L3MBTL4: variants seen among roughly 807,000 people sequenced by gnomAD.
L3MBTL4 encodes the protein lethal(3)malignant brain tumor-like protein 4.
A neutral mutation model predicts 84.5 loss-of-function variants in L3MBTL4; 70 were observed. The observed-to-expected ratio is 0.83, with a 90% confidence interval of 0.68 to 1.01. The LOEUF (loss-of-function observed/expected upper bound fraction) is 1.01. Among genes scored for constraint, L3MBTL4 ranks in the 50% least tolerant of loss-of-function variants. The pLI is 0.00. For missense variants in L3MBTL4, 715 were observed against 754.8 expected, an observed-to-expected ratio of 0.95 and a Z score of 0.62; for synonymous variants, 274 against 259.8, an observed-to-expected ratio of 1.05 and a Z score of -0.52.
At chr18:6,229,935 A>G (rs1178111648) in intron 10 of L3MBTL4, among the ~76,000 whole-genome samples, 1 of 152,062 alleles carries the variant, frequency 6.6e-6, no homozygotes, top group Non-Finnish European at 1.5e-5. Flanking sequence ...GTTCTTTTTC[A>G]TGATTGTATA....
At chr18:6,408,663 A>G (rs2055835738) in intron 1 of L3MBTL4, among the ~76,000 whole-genome samples, 1 of 151,140 alleles carries the variant, frequency 6.6e-6, no homozygotes, top group African/African-American at 2.4e-5. Context: ...ACCTATGTCC[A>G]GTTTTCTTTT....
rs80248322 is a variant in L3MBTL4 at position 6,122,928 on chromosome 18, A to C, written c.1199+15266T>G. ...TAGAAAAAATAATCCATTTTAATGC[A>C]CATTACAGAGTTTTCCATGAATTCA... On this transcript the variant is annotated intron_variant, in intron 14 of 18. Transcript: ENST00000317931. 9.5e-3 allele frequency among the ~76,000 whole-genome samples: 1,443 copies of C among 152,356 alleles called. 31 individuals are homozygous for C. Among genetic ancestry groups the C allele is most frequent in the African/African-American group, 0.033 (1,359 of 41,592 alleles).
chr18:6,261,121 T>A (rs1484894773), intron 5 of L3MBTL4, among the ~76,000 whole-genome samples: 1 of 152,198 alleles, frequency 6.6e-6, no homozygotes, highest in Non-Finnish European at 1.5e-5. Flanking sequence ...TCATTACTTG[T>A]GGGCAATTAA....
chr18:6,327,915 CGTTA>C (rs1481529631), intron 1 of L3MBTL4, among the ~76,000 whole-genome samples: 1 of 152,162 alleles, frequency 6.6e-6, no homozygotes, highest in African/African-American at 2.4e-5. Context: ...CAAGTAACCA[CGTTA>C]TGTACTCCCT....
rs147582419 is a variant in L3MBTL4 at position 5,984,001 on chromosome 18, T to C, written c.1445-14439A>G. Among the ~76,000 whole-genome samples, 1,362 of 152,312 alleles carry C rather than the reference T, an allele frequency of 8.9e-3. 19 individuals are homozygous for C. Among genetic ancestry groups the C allele is most frequent in the African/African-American group, 0.031 (1,298 of 41,570 alleles). The stretch of plus-strand genomic sequence containing the variant: ...ATCTAGGCTCACTGCATCCTCTGTC[T>C]GCTAGGTTCAAGCAATTCTCCTGCC... On this transcript the variant is annotated intron_variant, in intron 16 of 18. Transcript: ENST00000317931.
chr18:6,189,803 AAGAC>A (rs1445577010), intron 12 of L3MBTL4, among the ~76,000 whole-genome samples: 1 of 152,210 alleles, frequency 6.6e-6, no homozygotes, highest in Non-Finnish European at 1.5e-5. Flanking sequence ...AGTGGCATAA[AAGAC>A]AGATCAATAG....
At chr18:6,304,157 T>C (rs7238341) in intron 3 of L3MBTL4, among the ~76,000 whole-genome samples, 28,849 of 152,182 alleles carry the variant, frequency 0.19, 2,877 homozygotes, top group African/African-American at 0.23. Flanking sequence ...TACTATTAAT[T>C]TCATTTTCCT....
chr18:6,075,816 GAC>G (rs1006008326), intron 16 of L3MBTL4, among the ~76,000 whole-genome samples: 14 of 152,026 alleles, frequency 9.2e-5, no homozygotes, highest in Non-Finnish European at 2.9e-5. Context: ...AATAAAAAAA[GAC>G]AATGTAAAAG....
At chr18:6,301,659 A>T (rs768346440) in intron 4 of L3MBTL4, among the ~76,000 whole-genome samples, 1 of 152,234 alleles carries the variant, frequency 6.6e-6, no homozygotes, top group African/African-American at 2.4e-5. Flanking sequence ...TGTTTTATTT[A>T]AAGCCTTTTT....
At chr18:6,084,644 T>C (rs1418956511) in intron 15 of L3MBTL4, among the ~76,000 whole-genome samples, 2 of 152,218 alleles carry the variant, frequency 1.3e-5, no homozygotes, top group Non-Finnish European at 2.9e-5. Context: ...AGAGATGGTT[T>C]CTGCCACCAA....
At chr18:6,235,756 G>C (rs893277703) in intron 10 of L3MBTL4, among the ~76,000 whole-genome samples, 2 of 152,190 alleles carry the variant, frequency 1.3e-5, no homozygotes, top group Non-Finnish European at 2.9e-5. Flanking sequence ...AAACTAGAGA[G>C]AGCTGGTGGT....
At position 6,312,467 on chromosome 18, in the gene L3MBTL4, T is replaced by C. The variant is rs142027330; in HGVS notation, c.-90-411A>G. On this transcript the variant is annotated intron_variant, in intron 1 of 18. Transcript: ENST00000317931. ...TCCCAGTTCTAGGCTCTCCTCCTCT[T>C]TGCACTGATAACTGGCCACCCATTT... Among the ~76,000 whole-genome samples, 229 of 152,178 alleles carry C rather than the reference T, an allele frequency of 1.5e-3. 4 individuals carry two copies. Among genetic ancestry groups the C allele is most frequent in the Admixed American group, 0.013 (206 of 15,268 alleles).
intron 2 of L3MBTL4, 52 bp downstream of exon 2, chr18:6,311,946 A>C: frequency 3.8e-6 from 1 of 260,618 alleles, no homozygotes; most frequent in Non-Finnish European, 7.5e-6. Flanking sequence ...TGCTTAGCTG[A>C]CCTAACCAAT....
intron 12 of L3MBTL4, among the ~76,000 whole-genome samples, chr18:6,176,768 C>A (rs1258646136): frequency 6.6e-6 from 1 of 152,062 alleles, no homozygotes. Context: ...AAGTGAGCCA[C>A]AGGCATTTGC....
intron 1 of L3MBTL4, among the ~76,000 whole-genome samples, chr18:6,352,884 C>G (rs1016124957): frequency 6.6e-6 from 1 of 152,100 alleles, no homozygotes; most frequent in Non-Finnish European, 1.5e-5. Flanking sequence ...CTATTTTTAT[C>G]CTAAATTGTT....
chr18:6,130,835 A>C (rs2059854480), intron 14 of L3MBTL4, among the ~76,000 whole-genome samples: 1 of 146,408 alleles, frequency 6.8e-6, no homozygotes, highest in Non-Finnish European at 1.5e-5. Context: ...TGCAAATAAA[A>C]TGTAAATTGT....
chr18:6,329,977 C>G (rs1863183070), intron 1 of L3MBTL4, among the ~76,000 whole-genome samples: 1 of 152,198 alleles, frequency 6.6e-6, no homozygotes, highest in Non-Finnish European at 1.5e-5. Context: ...CCCATCCATA[C>G]TGTTGTATGC....
intron 12 of L3MBTL4, among the ~76,000 whole-genome samples, chr18:6,192,006 CAAAA>C (rs567661362): frequency 8.7e-6 from 1 of 115,098 alleles, no homozygotes; most frequent in Non-Finnish European, 1.8e-5. Context: ...TCCCCCCCCT[CAAAA>C]AAAAAAAGAA....
chr18:6,237,445 C>CTTTTTTTTTT (rs1173599586), intron 10 of L3MBTL4, among the ~76,000 whole-genome samples: 6 of 88,914 alleles, frequency 6.7e-5, no homozygotes, highest in African/African-American at 1.9e-4. Flanking sequence ...CCTAGTACAT[C>CTTTTTTTTTT]TTTTTTTTTT....
Sources: allele counts gnomAD v4.1 joint callset (sites outside exome capture counted in the v4.1 genomes callset), GRCh38; gene constraint gnomAD v4.1.1; transcripts MANE v1.5; gene names NCBI Gene and HGNC (gene_info 2026-07-23, HGNC 2026-07-21).